RPS6KA2: variants seen among roughly 807,000 people sequenced by gnomAD.
The protein encoded by RPS6KA2 is ribosomal protein S6 kinase A2, also known as ribosomal protein S6 kinase alpha-2.
A neutral mutation model predicts 91.8 loss-of-function variants in RPS6KA2; 42 were observed. The observed-to-expected ratio is 0.46, with a 90% CI of 0.36 to 0.59. The LOEUF (loss-of-function observed/expected upper bound fraction) is 0.59, where lower values mean the gene tolerates loss of function less well. RPS6KA2 is among the 20% of genes least tolerant of loss of function. The pLI, the probability that RPS6KA2 is intolerant of heterozygous loss-of-function variation, is 0.00. For synonymous variants in RPS6KA2, 414 were observed against 393.6 expected, an observed-to-expected ratio of 1.05 and a Z score of -0.61; for missense variants, 798 against 978.5, an observed-to-expected ratio of 0.82 and a Z score of 2.46.
At chr6:166,538,933 T>G in intron 1 of RPS6KA2, 149 bp from the exon 2 acceptor site, 1 of 471,812 alleles carries the variant, frequency 2.1e-6, no homozygotes, top group Non-Finnish European at 3.8e-6. Flanking sequence ...TTTAGTTGTG[T>G]TTTTTTCTTT....
intron 2 of RPS6KA2, among the ~76,000 whole-genome samples, chr6:166,709,304 GAC>G (rs771588871): frequency 1.3e-5 from 2 of 151,080 alleles, no homozygotes; most frequent in Non-Finnish European, 2.9e-5. Context: ...CAGAAATAAA[GAC>G]ACAACATATC....
intron 2 of RPS6KA2, among the ~76,000 whole-genome samples, chr6:166,534,221 C>CAAAAAAAAA (rs34585369): frequency 1.0e-4 from 6 of 59,358 alleles, no homozygotes; most frequent in African/African-American, 3.3e-4. Flanking sequence ...GACTCTGTCT[C>CAAAAAAAAA]AAAAAAAAAA....
rs1339498629 is a variant in RPS6KA2 at position 166,538,674 on chromosome 6, A to G, written c.210T>C (p.Tyr70=). The change falls in exon 2 of 21, where the codon TAT becomes TAC. Residue 70 remains tyrosine (Y), a synonymous_variant. Transcript: ENST00000265678. The part of the protein sequence containing the change: ...ELLKVLGQGS[Y]GKVFLVRKVK... ...CAGCCAGGGCTGAACTTACCTTTCCATAGGATCCTTGTCCTAAAACCTTCA... is the reference window on the plus strand; with the variant it reads ...CAGCCAGGGCTGAACTTACCTTTCCGTAGGATCCTTGTCCTAAAACCTTCA... 1 of 1,583,618 alleles carries G rather than the reference A, an allele frequency of 6.3e-7. No individual in the cohort carries two copies. Among genetic ancestry groups the G allele is most frequent in the Non-Finnish European group, 8.7e-7 (1 of 1,152,566 alleles).
chr6:166,742,717 A>G (rs1301168562), intron 2 of RPS6KA2, among the ~76,000 whole-genome samples: 5 of 152,182 alleles, frequency 3.3e-5, no homozygotes, highest in African/African-American at 9.7e-5. Flanking sequence ...CATACTTTTT[A>G]TTACTCATAA....
At chr6:166,818,617 T>C (rs889356007) in intron 2 of RPS6KA2, among the ~76,000 whole-genome samples, 3 of 152,152 alleles carry the variant, frequency 2.0e-5, no homozygotes, top group African/African-American at 7.2e-5. Context: ...AGTTTTGTCG[T>C]CCATTCAGAG....
chr6:166,681,691 C>CT, intron 2 of RPS6KA2, among the ~76,000 whole-genome samples: 2 of 25,280 alleles, frequency 7.9e-5, no homozygotes, highest in South Asian at 2.2e-3. Context: ...CCCCTGCCCG[C>CT]CCCCCCCCCC....
chr6:166,672,164 G>A (rs1457670875), intron 2 of RPS6KA2, among the ~76,000 whole-genome samples: 4 of 152,138 alleles, frequency 2.6e-5, no homozygotes, highest in Non-Finnish European at 4.4e-5. Context: ...ATGTTATCGG[G>A]AGGTTAAAGA....
At chr6:166,710,292 C>A (rs1422947607) in intron 2 of RPS6KA2, among the ~76,000 whole-genome samples, 4 of 152,164 alleles carry the variant, frequency 2.6e-5, no homozygotes, top group Non-Finnish European at 5.9e-5. Context: ...CATGCTTTAG[C>A]CTTTAATCAG....
intron 1 of RPS6KA2, among the ~76,000 whole-genome samples, chr6:166,589,394 T>G (rs1373153605): frequency 6.6e-6 from 1 of 152,216 alleles, no homozygotes; most frequent in African/African-American, 2.4e-5. Context: ...TCTAAATTAT[T>G]GCCATTACAT....
At chr6:166,786,358 G>A (rs9457209) in intron 2 of RPS6KA2, among the ~76,000 whole-genome samples, 32,517 of 151,862 alleles carry the variant, frequency 0.21, 4,249 homozygotes, top group African/African-American at 0.37. Flanking sequence ...AGTAAGAAAA[G>A]CAAACCAGTT....
chr6:166,753,129 C>G (rs918187549), intron 2 of RPS6KA2, among the ~76,000 whole-genome samples: 1 of 152,224 alleles, frequency 6.6e-6, no homozygotes, highest in African/African-American at 2.4e-5. Flanking sequence ...AAGGGGCTGG[C>G]TGTCCTGCCA....
At chr6:166,754,853 C>T (rs866682450) in intron 2 of RPS6KA2, among the ~76,000 whole-genome samples, 31 of 152,308 alleles carry the variant, frequency 2.0e-4, no homozygotes, top group Middle Eastern at 3.4e-3. Context: ...GGGAAGGGCT[C>T]TGAGATGGGT....
rs764645156 is a variant in RPS6KA2, at chr6:166,508,291, GA to G, written c.380-10del. The G allele has an allele frequency of 6.3e-7, 1 of 1,591,936 alleles. No individual in the cohort carries two copies. The highest frequency in any genetic ancestry group is 2.2e-5 in the East Asian group (1 of 44,744). On this transcript the variant is annotated splice_polypyrimidine_tract_variant and intron_variant, in intron 4 of 20. Transcript: ENST00000265678. The surrounding 1 kb of genome is among the most constrained non-coding windows in gnomAD (Gnocchi z 4.3). ...TCCTTCCGTCTGAAAGGCTGTGGGGGACAGAGACCCGCATTTTGACAGCTTG... is the reference window on the plus strand; with the variant it reads ...TCCTTCCGTCTGAAAGGCTGTGGGGGCAGAGACCCGCATTTTGACAGCTTG...
At position 166,862,471 on chromosome 6, in the gene RPS6KA2, G is replaced by A. The variant is rs1303927932; in HGVS notation, c.-301C>T. 10 of 946,818 alleles carry A rather than the reference G, an allele frequency of 1.1e-5. No homozygotes were observed. In the Admixed American group the frequency reaches 1.7e-4, roughly 16 times the overall value. The allele number at this position is 946,818 out of a possible 1,614,324, so 58.7% of individuals were successfully genotyped here. A position where few individuals can be genotyped will look rare whatever the true frequency, so the allele number is the denominator to read the frequency against. ...CGCTTCCCGCTCGGGCTGGGGCGAG[G>A]AAAGGAGGGGACGGCGCTGCGGCTT... On this transcript the variant is annotated 5_prime_UTR_variant, in exon 1 of 22. Coordinates refer to the RPS6KA2 transcript ENST00000503859.
At chr6:166,510,427 A>C in intron 3 of RPS6KA2, 70 bp from the exon 4 acceptor site, 1 of 965,944 alleles carries the variant, frequency 1.0e-6, no homozygotes, top group Non-Finnish European at 1.6e-6. Context: ...TGAACATGAA[A>C]TACTAGATAT....
In RPS6KA2 at chr6:166,825,181, G is replaced by C. The variant is rs1272968460; in HGVS notation, c.123+33019C>G. 1.3e-5 allele frequency among the ~76,000 whole-genome samples: 2 copies of C among 152,230 alleles called. No individual in the cohort carries two copies. The highest frequency in any genetic ancestry group is 4.8e-5 in the African/African-American group (2 of 41,452). On this transcript the variant is annotated intron_variant, in intron 2 of 21. Coordinates refer to the RPS6KA2 transcript ENST00000503859. This position sits in a 1 kb window ranked among gnomAD's most constrained non-coding sequence, Gnocchi z 4.1. ...AGAGCAGAGCGGGCTCCCCACAAAT[G>C]GGGGCTCTGAGTTGAGGGGTGCTGG...
At chr6:166,850,065 G>C (rs1780701473) in intron 2 of RPS6KA2, among the ~76,000 whole-genome samples, 2 of 152,152 alleles carry the variant, frequency 1.3e-5, no homozygotes, top group Non-Finnish European at 2.9e-5. Context: ...ACGTGCATTT[G>C]GCAAGTGGGA....
chr6:166,824,745 CTGTATGTCTGTG>C (rs1779996362), intron 2 of RPS6KA2, among the ~76,000 whole-genome samples: 1 of 105,014 alleles, frequency 9.5e-6, no homozygotes, highest in African/African-American at 3.8e-5. Flanking sequence ...GTGTGTATGT[CTGTATGTCTGTG>C]TGTGTGTCTG....
intron 2 of RPS6KA2, among the ~76,000 whole-genome samples, chr6:166,718,401 A>G (rs1455518905): frequency 6.6e-6 from 1 of 152,136 alleles, no homozygotes; most frequent in Non-Finnish European, 1.5e-5. Context: ...CCCTAAACTA[A>G]TCCATCAGGA....
Sources: allele counts gnomAD v4.1 joint callset (sites outside exome capture counted in the v4.1 genomes callset), GRCh38; gene constraint gnomAD v4.1.1; non-coding constraint Gnocchi (gnomAD v3.1); transcripts MANE v1.5; gene names NCBI Gene and HGNC (gene_info 2026-07-23, HGNC 2026-07-21).